Variants in MARCHF8 observed in about 807,000 individuals in gnomAD.
MARCHF8 encodes membrane associated ring-CH-type finger 8.
MARCHF8 carries 40 observed loss-of-function variants against 51.6 expected under a neutral mutation model. The ratio of observed to expected loss-of-function variants is 0.77; its 90% confidence interval spans 0.60 to 1.01. The LOEUF (loss-of-function observed/expected upper bound fraction) is 1.01. Among genes scored for constraint, MARCHF8 ranks in the 50% least tolerant of loss-of-function variants. The probability of loss-of-function intolerance (pLI) is 0.00; values close to 1 mark genes in which losing one functional copy is unlikely to be tolerated. For synonymous variants in MARCHF8, 263 were observed against 280.3 expected (o/e 0.94, Z 0.62); for missense variants, 685 against 708.6 (o/e 0.97, Z 0.38).
chr10:45,508,467 G>C (rs1217693181), intron 2 of MARCHF8, among the ~76,000 whole-genome samples: 2 of 151,976 alleles, frequency 1.3e-5, no homozygotes, highest in Non-Finnish European at 2.9e-5. Context: ...ATTTATCAAA[G>C]TCCTGATACT....
At chr10:45,576,364 TGATCATA>T (rs1439107253) in intron 1 of MARCHF8, among the ~76,000 whole-genome samples, 4 of 152,192 alleles carry the variant, frequency 2.6e-5, no homozygotes, top group African/African-American at 9.7e-5. Context: ...AATTTGAGAT[TGATCATA>T]GATCTGAACC....
chr10:45,588,645 T>C (rs1225820874), intron 1 of MARCHF8, among the ~76,000 whole-genome samples: 5 of 152,194 alleles, frequency 3.3e-5, no homozygotes, highest in Non-Finnish European at 7.3e-5. Flanking sequence ...GCAGGATATC[T>C]CAATAAATGT....
intron 3 of MARCHF8, among the ~76,000 whole-genome samples, chr10:45,469,636 C>T (rs369564421): frequency 2.6e-5 from 4 of 151,994 alleles, no homozygotes; most frequent in South Asian, 2.1e-4. Flanking sequence ...GGGGCCGAGG[C>T]GGGCGGATCA....
chr10:45,529,175 C>A (rs944607530), intron 2 of MARCHF8, among the ~76,000 whole-genome samples: 2 of 152,198 alleles, frequency 1.3e-5, no homozygotes, highest in African/African-American at 4.8e-5. Flanking sequence ...GGCAAATGAT[C>A]TTCTTCAAAG....
chr10:45,578,151 T>G (rs995879365), intron 1 of MARCHF8, among the ~76,000 whole-genome samples: 2 of 152,138 alleles, frequency 1.3e-5, no homozygotes, highest in African/African-American at 4.8e-5. Flanking sequence ...AATAAGCACA[T>G]CATATATCCA....
chr10:45,499,690 T>G (rs1481248804), intron 2 of MARCHF8, among the ~76,000 whole-genome samples: 1 of 152,214 alleles, frequency 6.6e-6, no homozygotes. Context: ...TTGAAAAGAC[T>G]GTCCTTTCCT....
intron 1 of MARCHF8, among the ~76,000 whole-genome samples, chr10:45,560,215 T>C (rs769447742): frequency 6.6e-6 from 1 of 152,218 alleles, no homozygotes; most frequent in African/African-American, 2.4e-5. Flanking sequence ...GGAAGCCTTC[T>C]GGCTGTAGGA....
At chr10:45,586,506 A>G (rs111721095) in intron 1 of MARCHF8, among the ~76,000 whole-genome samples, 2,088 of 152,160 alleles carry the variant, frequency 0.014, 54 homozygotes, top group African/African-American at 0.047. Context: ...CAGGGGTGTA[A>G]ATGTCTAGGT....
exon 1 of MARCHF8, chr10:45,594,902 C>T (rs1188464438): frequency 6.6e-6 from 1 of 152,204 alleles, no homozygotes; most frequent in African/African-American, 2.4e-5. Flanking sequence ...CGGGAGGACA[C>T]CGAGTGGCAG....
chr10:45,459,787 A>C (rs191716655), intron 6 of MARCHF8: 7 of 985,446 alleles, frequency 7.1e-6, no homozygotes, highest in African/African-American at 7.0e-5. Flanking sequence ...ATCGACGCTA[A>C]GAGTTCCTGG....
intron 2 of MARCHF8, among the ~76,000 whole-genome samples, chr10:45,503,299 A>T (rs2043314863): frequency 6.6e-6 from 1 of 152,148 alleles, no homozygotes; most frequent in Non-Finnish European, 1.5e-5. Context: ...GCACTTCAGG[A>T]GGCTGAGGCG....
At chr10:45,552,149 C>T (rs1166075056) in intron 1 of MARCHF8, among the ~76,000 whole-genome samples, 5 of 152,022 alleles carry the variant, frequency 3.3e-5, no homozygotes, top group Admixed American at 1.3e-4. Context: ...AGTTTCCTAA[C>T]CTTTCTGCAC....
intron 5 of MARCHF8, chr10:45,461,614 T>A: frequency 2.5e-6 from 1 of 398,226 alleles, no homozygotes; most frequent in Non-Finnish European, 4.4e-6. Context: ...ATGGAAAGTC[T>A]GGAGGGCATT....
intron 2 of MARCHF8, among the ~76,000 whole-genome samples, chr10:45,518,252 GAATTA>G (rs1377182778): frequency 2.6e-5 from 4 of 152,150 alleles, no homozygotes; most frequent in Non-Finnish European, 5.9e-5. Flanking sequence ...GAAGAACTCT[GAATTA>G]AAGTTGGACT....
chr10:45,543,667 G>A (rs1380990150), intron 1 of MARCHF8, among the ~76,000 whole-genome samples: 3 of 151,798 alleles, frequency 2.0e-5, no homozygotes, highest in African/African-American at 4.8e-5. Flanking sequence ...GCACGGTGGC[G>A]GGCGCCTGTA....
intron 3 of MARCHF8, among the ~76,000 whole-genome samples, chr10:45,482,956 G>A (rs1348238480): frequency 6.6e-6 from 1 of 152,142 alleles, no homozygotes; most frequent in Non-Finnish European, 1.5e-5. Flanking sequence ...GAATGAAACT[G>A]AAGCCCTCTC....
At chr10:45,565,810 G>A (rs1421474638) in intron 1 of MARCHF8, among the ~76,000 whole-genome samples, 2 of 152,124 alleles carry the variant, frequency 1.3e-5, no homozygotes, top group East Asian at 1.9e-4. Context: ...TATTAAGTCC[G>A]TGCAAGCCTC....
At chr10:45,492,519 G>C (rs1412521783) in intron 2 of MARCHF8, among the ~76,000 whole-genome samples, 1 of 152,040 alleles carries the variant, frequency 6.6e-6, no homozygotes, top group Non-Finnish European at 1.5e-5. Context: ...GGATGGTCTC[G>C]ATCTCCTGAC....
rs535439413 is a variant in MARCHF8, at chr10:45,590,650, G to A, written c.-79+3585C>T. Among the ~76,000 whole-genome samples, 22 of 152,360 alleles carry A rather than the reference G, an allele frequency of 1.4e-4. No individual in the cohort carries two copies. The South Asian group carries it at 4.1e-3, about 29-fold the overall frequency. Reference sequence around the variant, plus strand: ...GGAAAAAAAGTCCACATAGCATGATGCCATTTATATAAAGTTTAAAAATAT... The same window carrying A: ...GGAAAAAAAGTCCACATAGCATGATACCATTTATATAAAGTTTAAAAATAT... On this transcript the variant is annotated intron_variant, in intron 1 of 6. Coordinates refer to the MARCHF8 transcript ENST00000319836.
Sources: gnomAD v4.1 joint callset for allele counts (sites outside exome capture counted in the v4.1 genomes callset) on GRCh38, gnomAD v4.1.1 for gene constraint, MANE v1.5 for transcripts, NCBI Gene and HGNC (gene_info 2026-07-23, HGNC 2026-07-21) for gene names.